SPATA16: variants seen among roughly 807,000 people sequenced by gnomAD.
SPATA16 encodes spermatogenesis associated 16.
SPATA16 carries 36 observed loss-of-function variants against 63.3 expected under a neutral mutation model. The ratio of observed to expected loss-of-function variants is 0.57; its 90% CI spans 0.44 to 0.75. The LOEUF (loss-of-function observed/expected upper bound fraction) is 0.75, where lower values mean the gene tolerates loss of function less well. SPATA16 is among the 30% of genes least tolerant of loss of function. SPATA16 has a pLI of 0.00. For synonymous variants in SPATA16, 203 were observed against 216.7 expected (o/e 0.94, Z 0.56); for missense variants, 646 against 679.3 (o/e 0.95, Z 0.54).
At chr3:173,061,737 G>A (rs956245662) in intron 2 of SPATA16, among the ~76,000 whole-genome samples, 2 of 152,194 alleles carry the variant, frequency 1.3e-5, no homozygotes, top group African/African-American at 4.8e-5. Flanking sequence ...ACTTGAAAGA[G>A]GAATGAATCA....
intron 2 of SPATA16, among the ~76,000 whole-genome samples, chr3:173,078,444 G>C (rs931473536): frequency 6.6e-6 from 1 of 152,154 alleles, no homozygotes; most frequent in South Asian, 2.1e-4. Context: ...TTAGAATGGG[G>C]AATTTCTTGG....
chr3:173,092,040 C>A (rs1164362511), intron 2 of SPATA16, among the ~76,000 whole-genome samples: 1 of 152,164 alleles, frequency 6.6e-6, no homozygotes. Context: ...TGAAGTTCCT[C>A]TCCTGCACAA....
chr3:173,139,118 G>C (rs1577195687), intron 1 of SPATA16, among the ~76,000 whole-genome samples: 1 of 152,282 alleles, frequency 6.6e-6, no homozygotes, highest in East Asian at 1.9e-4. Flanking sequence ...TTGTTGAGAA[G>C]AGTAATATAG....
chr3:172,956,456 C>T (rs1412351256), intron 6 of SPATA16, among the ~76,000 whole-genome samples: 2 of 152,100 alleles, frequency 1.3e-5, no homozygotes, highest in African/African-American at 2.4e-5. Context: ...TTTATCCCTA[C>T]TTCTTAAAAT....
At chr3:173,108,385 T>G (rs895635755) in intron 2 of SPATA16, among the ~76,000 whole-genome samples, 3 of 152,172 alleles carry the variant, frequency 2.0e-5, no homozygotes, top group African/African-American at 7.2e-5. Context: ...CTTTGTATAT[T>G]TATTAATTCT....
chr3:172,927,553 T>C (rs751522049), intron 6 of SPATA16, among the ~76,000 whole-genome samples: 69 of 152,116 alleles, frequency 4.5e-4, no homozygotes, highest in Non-Finnish European at 1.0e-3. Context: ...ATTATCAGGG[T>C]TATCTTTTTC....
intron 3 of SPATA16, among the ~76,000 whole-genome samples, chr3:173,033,189 T>C (rs944031336): frequency 6.6e-6 from 1 of 152,166 alleles, no homozygotes; most frequent in African/African-American, 2.4e-5. Flanking sequence ...TTTTTATAAT[T>C]TGAAAATCTG....
intron 2 of SPATA16, among the ~76,000 whole-genome samples, chr3:173,075,062 GGAT>G (rs1364431939): frequency 6.7e-6 from 1 of 149,984 alleles, no homozygotes; most frequent in African/African-American, 2.5e-5. Context: ...TATGCTATTT[GGAT>G]GATGAGATCG....
At chr3:172,917,417 T>C (rs1261566216) in intron 8 of SPATA16, among the ~76,000 whole-genome samples, 1 of 152,158 alleles carries the variant, frequency 6.6e-6, no homozygotes, top group Admixed American at 6.5e-5. Flanking sequence ...AGGACTTAGT[T>C]TGGCAATTGC....
At chr3:173,014,391 T>G (rs1453719319) in intron 4 of SPATA16, among the ~76,000 whole-genome samples, 1 of 152,150 alleles carries the variant, frequency 6.6e-6, no homozygotes, top group African/African-American at 2.4e-5. Context: ...TTTGGGTACT[T>G]ATGGACATAA....
chr3:172,916,521 C>A (rs189647079), intron 8 of SPATA16, 40 bp from the exon 9 acceptor site: 1 of 1,608,190 alleles, frequency 6.2e-7, no homozygotes, highest in Admixed American at 1.7e-5. Flanking sequence ...AACAAAACCA[C>A]GGAAATAGAC....
At chr3:173,099,798 T>C (rs1737446855) in intron 2 of SPATA16, among the ~76,000 whole-genome samples, 1 of 152,200 alleles carries the variant, frequency 6.6e-6, no homozygotes, top group African/African-American at 2.4e-5. Flanking sequence ...ACTGTGCTTT[T>C]TCCTGTCGTC....
intron 2 of SPATA16, among the ~76,000 whole-genome samples, chr3:173,102,062 T>C (rs1737510594): frequency 6.6e-6 from 1 of 152,164 alleles, no homozygotes; most frequent in Admixed American, 6.5e-5. Flanking sequence ...ATAACTGCAG[T>C]TTATTTTCAT....
intron 2 of SPATA16, among the ~76,000 whole-genome samples, chr3:173,063,328 CAAG>C (rs1163156152): frequency 1.3e-5 from 2 of 152,078 alleles, no homozygotes; most frequent in African/African-American, 4.8e-5. Context: ...TTCACTAATT[CAAG>C]AAGCAGAGAA....
At chr3:173,110,993 C>T (rs1402140734) in intron 2 of SPATA16, among the ~76,000 whole-genome samples, 1 of 152,156 alleles carries the variant, frequency 6.6e-6, no homozygotes, top group Non-Finnish European at 1.5e-5. Flanking sequence ...GCATTTTTAA[C>T]AAGATTACTA....
intron 2 of SPATA16, among the ~76,000 whole-genome samples, chr3:173,074,409 T>C (rs1365389213): frequency 6.6e-6 from 1 of 152,150 alleles, no homozygotes; most frequent in African/African-American, 2.4e-5. Context: ...TGGGAGATAA[T>C]TGAATCATGG....
intron 2 of SPATA16, among the ~76,000 whole-genome samples, chr3:173,064,670 A>G (rs889005376): frequency 2.0e-5 from 3 of 152,164 alleles, no homozygotes; most frequent in African/African-American, 7.2e-5. Flanking sequence ...TTTTCATGAG[A>G]CATGTTCTTC....
At chr3:172,992,585 A>G (rs1734603650) in intron 4 of SPATA16, among the ~76,000 whole-genome samples, 1 of 152,110 alleles carries the variant, frequency 6.6e-6, no homozygotes, top group African/African-American at 2.4e-5. Context: ...CAAGAAAAAA[A>G]TATTCATGAC....
chr3:173,006,762 T>C (rs1438705809), intron 4 of SPATA16, among the ~76,000 whole-genome samples: 1 of 152,228 alleles, frequency 6.6e-6, no homozygotes, highest in Non-Finnish European at 1.5e-5. Context: ...ACACCTCAAT[T>C]TATTTTTGGA....
Sources: gnomAD v4.1 joint callset for allele counts (sites outside exome capture counted in the v4.1 genomes callset) on GRCh38, gnomAD v4.1.1 for gene constraint, MANE v1.5 for transcripts, NCBI Gene and HGNC (gene_info 2026-07-23, HGNC 2026-07-21) for gene names.